The following MIB2 variants were observed in gnomAD, a reference collection of about 807,000 sequenced individuals.
MIB2 encodes E3 ubiquitin-protein ligase MIB2.
In MIB2, 78 loss-of-function variants were observed where a neutral mutation model predicts 96.6. The ratio of observed to expected loss-of-function variants is 0.81; its 90% CI spans 0.67 to 0.97. The LOEUF is 0.97. Among genes scored for constraint, MIB2 ranks in the 50% least tolerant of loss-of-function variants. The pLI is 0.00. For synonymous variants in MIB2, 820 were observed against 629.5 expected (o/e 1.30, Z -4.53); for missense variants, 1,543 against 1,424.0 (o/e 1.08, Z -1.35).
upstream of MIB2, chr1:1,615,239 T>G (rs952104030): frequency 4.5e-5 from 41 of 901,380 alleles, no homozygotes; most frequent in Non-Finnish European, 5.5e-5. Flanking sequence ...AAGAGGTGGC[T>G]GCGGCGCGGC....
At chr1:1,629,750 G>A (rs1275814081) in intron 19 of MIB2, 46 bp downstream of exon 19, 1 of 1,521,566 alleles carries the variant, frequency 6.6e-7, no homozygotes, top group Non-Finnish European at 8.8e-7. Context: ...CTCAGCTGGT[G>A]GCCCGCGGGT....
Position 1,630,358 on chromosome 1 carries a change from A to G in MIB2, c.2696A>G (p.Gln899Arg). 6.9e-7 allele frequency: 1 copy of G among 1,438,956 alleles called. No homozygotes were observed. Among genetic ancestry groups the G allele is most frequent in the Middle Eastern group, 1.9e-4 (1 of 5,404 alleles). The allele number at this position is 1,438,956 out of a possible 1,614,324, so 89.1% of individuals were successfully genotyped here. ...GPPRQLVEEL[Q>R]SRYRQMEERI... ...CCGCGCCAGCTGGTGGAGGAGCTGC[A>G]GAGCCGCTACCGGCAGATGGAGGAA... The change falls in exon 20 of 20, where the codon CAG becomes CGG. Residue 899 changes from glutamine (Q) to arginine (R), a missense_variant. Transcript: ENST00000355826.
chr1:1,623,709 A>G lies in MIB2; in HGVS notation c.247+10A>G. On this transcript the variant is annotated intron_variant, in intron 3 of 19. Transcript: ENST00000355826. ...GACAACGCCCAGATCGGTGCGCGCC[A>G]AGGGCAGGCGGGACGGGCAGGACCC... The G allele has an allele frequency of 1.3e-6, 2 of 1,531,932 alleles. No individual in the cohort carries two copies. The allele number at this position is 1,531,932 out of a possible 1,614,324, so 94.9% of individuals were successfully genotyped here. A position where few individuals can be genotyped will look rare whatever the true frequency, so the allele number is the denominator to read the frequency against.
At chr1:1,622,787 C>G (rs1319906975) in intron 2 of MIB2, among the ~76,000 whole-genome samples, 2 of 152,258 alleles carry the variant, frequency 1.3e-5, no homozygotes, top group Non-Finnish European at 2.9e-5. Context: ...CCTCGCTGCA[C>G]TGTCCCTGAC....
At position 1,629,248 on chromosome 1, in the gene MIB2, C is replaced by T. The variant is rs1645126110; in HGVS notation, c.2318C>T (p.Pro773Leu). ...VSYTNHRGRS[P>L]LDLAAEGRVL... Reference sequence around the variant, plus strand: ...TACACCAACCACCGCGGTCGGAGCCCGCTGGACCTGGCCGCCGAGGGTCGC... The same window carrying T: ...TACACCAACCACCGCGGTCGGAGCCTGCTGGACCTGGCCGCCGAGGGTCGC... Residue 773 changes from proline (P) to leucine (L), a missense_variant, in exon 17 of 20, where the codon CCG (proline) becomes CTG (leucine). Coordinates refer to ENST00000355826, the MANE Select transcript of MIB2 (RefSeq NM_001170687.4). 3 of 1,545,448 alleles carry T rather than the reference C, an allele frequency of 1.9e-6. No individual in the cohort carries two copies. Among genetic ancestry groups the T allele is most frequent in the Non-Finnish European group, 2.6e-6 (3 of 1,156,938 alleles).
At chr1:1,618,157 T>G (rs1387256031) in intron 2 of MIB2, 1 of 152,610 alleles carries the variant, frequency 6.6e-6, no homozygotes, top group East Asian at 1.9e-4. Flanking sequence ...CTTGGCCAGG[T>G]TGGTGTGAGG....
At chr1:1,621,901 C>T (rs1644292741) in intron 2 of MIB2, among the ~76,000 whole-genome samples, 1 of 152,260 alleles carries the variant, frequency 6.6e-6, no homozygotes, top group Admixed American at 6.5e-5. Context: ...GCTCGGGGGA[C>T]AACCTGTGGG....
intron 1 of MIB2, 118 bp downstream of exon 1, chr1:1,615,751 G>A: frequency 6.9e-7 from 1 of 1,455,366 alleles, no homozygotes. Flanking sequence ...GCAGCCCCGG[G>A]CTGGACTCGG....
chr1:1,623,339 C>T lies in MIB2; in HGVS notation c.-22-92C>T, dbSNP rs751452509. 7 of 1,525,162 alleles carry T rather than the reference C, an allele frequency of 4.6e-6. No individual in the cohort carries two copies. The African/African-American group carries it at 5.7e-5, about 12-fold the overall frequency. 94.5% of individuals were successfully genotyped at this position (1,525,162 alleles called of 1,614,324 possible). On this transcript the variant is annotated intron_variant, in intron 2 of 19. Transcript: ENST00000355826. ...CCTCTCTGCTCTCCCGCGGAGCCCA[C>T]TCTGACCGGGAGTGTCCCATGGTGG...
Position 1,625,488 on chromosome 1 carries a change from G to A in MIB2, c.865-58G>A. ...GCCCTCCCAGCCCTCCGCCCCCTCAGCCCCTTCCTCCCCAAGCGTCCAGCC... is the reference window on the plus strand; with the variant it reads ...GCCCTCCCAGCCCTCCGCCCCCTCAACCCCTTCCTCCCCAAGCGTCCAGCC... On this transcript the variant is annotated intron_variant, in intron 7 of 19. Coordinates refer to ENST00000355826, the MANE Select transcript of MIB2 (RefSeq NM_001170687.4). This position sits in a 1 kb window ranked among gnomAD's most constrained non-coding sequence, Gnocchi z 5.0. The A allele has an allele frequency of 7.4e-7, 1 of 1,356,998 alleles. No homozygotes were observed. Among genetic ancestry groups the A allele is most frequent in the Non-Finnish European group, 1.0e-6 (1 of 998,786 alleles). The allele number at this position is 1,356,998 out of a possible 1,614,324, so 84.1% of individuals were successfully genotyped here. A position where few individuals can be genotyped will look rare whatever the true frequency, so the allele number is the denominator to read the frequency against.
At chr1:1,621,686 G>A (rs1281049618) in intron 2 of MIB2, among the ~76,000 whole-genome samples, 5 of 152,228 alleles carry the variant, frequency 3.3e-5, no homozygotes, top group African/African-American at 7.2e-5. Context: ...GGAAGCTCTC[G>A]CGGTCCTGGG....
In MIB2 at chr1:1,627,386, G is replaced by A. The variant is rs1453053281; in HGVS notation, c.1465G>A (p.Ala489Thr). Residue 489 changes from alanine to threonine, a missense_variant, in exon 12 of 20, where the codon GCG becomes ACG. By Grantham distance (58) the Ala-to-Thr change is moderately conservative. Coordinates refer to ENST00000355826, the MANE Select transcript of MIB2 (RefSeq NM_001170687.4). ...GATACGGCTGCTGCTACAAGCCAGGGCGGGCGTGGACCTGCCGGACGACGA... is the reference window on the plus strand; with the variant it reads ...GATACGGCTGCTGCTACAAGCCAGGACGGGCGTGGACCTGCCGGACGACGA... The part of the protein sequence containing the change: ...ELIRLLLQAR[A>T]GVDLPDDEGN... 1 of 1,613,056 alleles carries A rather than the reference G, an allele frequency of 6.2e-7. No homozygotes were observed. The highest frequency in any genetic ancestry group is 1.6e-4 in the Middle Eastern group (1 of 6,062).
Position 1,615,624 on chromosome 1 carries a change from T to C in MIB2, c.-139T>C. The C allele has an allele frequency of 6.4e-7, 1 of 1,573,178 alleles. No individual in the cohort carries two copies. The highest frequency in any genetic ancestry group is 8.6e-7 in the Non-Finnish European group (1 of 1,163,692). On this transcript the variant is annotated 5_prime_UTR_variant, in exon 1 of 20. Transcript: ENST00000355826. ...CACTGGCGCGATGCGGGCCGTCCTC[T>C]CGGCTGATGGTGCGTGCGGGCGCGG...
chr1:1,623,763 C>T lies in MIB2; in HGVS notation c.248-11C>T, dbSNP rs1310392706. ...GGCGGGAACGCCCCTCTGACCCCAC[C>T]CCACCCCCAGGCGTCCGGCACCCCA... On this transcript the variant is annotated splice_polypyrimidine_tract_variant and intron_variant, in intron 3 of 19. Transcript: ENST00000355826. 10 of 1,583,320 alleles carry T rather than the reference C, an allele frequency of 6.3e-6. No individual in the cohort carries two copies. Among genetic ancestry groups the T allele is most frequent in the Non-Finnish European group, 8.6e-6 (10 of 1,166,092 alleles).
In MIB2 at chr1:1,628,384, G is replaced by C; in HGVS notation, c.1953G>C (p.Gln651His). ...TCAACAACCACCGCGAGGTGGCCCA[G>C]ATCCTCATCCGGGAGGTGCGGACGC... ...AALNNHREVA[Q>H]ILIREGRCDV... is the part of the protein sequence containing the mutation. The change falls in exon 15 of 20, where the codon CAG becomes CAC. Residue 651 changes from glutamine to histidine, a missense_variant. By Grantham distance (24) the Gln-to-His change is conservative (BLOSUM62 0). Coordinates refer to ENST00000355826, the MANE Select transcript of MIB2 (RefSeq NM_001170687.4). 1 of 1,612,418 alleles carries C rather than the reference G, an allele frequency of 6.2e-7. No individual in the cohort carries two copies. Among genetic ancestry groups the C allele is most frequent in the Non-Finnish European group, 8.5e-7 (1 of 1,179,846 alleles).
At position 1,629,394 on chromosome 1, in the gene MIB2, G is replaced by C. The variant is rs751123770; in HGVS notation, c.2391G>C (p.Gln797His). 4 of 1,439,478 alleles carry C rather than the reference G, an allele frequency of 2.8e-6. No individual in the cohort carries two copies. The African/African-American group carries it at 6.0e-5, about 22-fold the overall frequency. The allele number at this position is 1,439,478 out of a possible 1,614,324, so 89.2% of individuals were successfully genotyped here. Reference protein sequence around the residue: ...QGCAQRFRERQAGGGAAPGPR... With the variant: ...QGCAQRFRERHAGGGAAPGPR... ...CCTCCTCCCCCTGCAGGGAGCGGCA[G>C]GCGGGCGGGGGCGCGGCCCCGGGCC... Residue 797 changes from glutamine to histidine, a missense_variant, in exon 18 of 20, where the codon CAG (glutamine) becomes CAC (histidine). By Grantham distance (24) the Gln-to-His change is conservative. Transcript: ENST00000355826.
intron 10 of MIB2, 22 bp from the exon 11 acceptor site, chr1:1,627,052 C>T (rs776859586): frequency 6.2e-7 from 1 of 1,602,224 alleles, no homozygotes; most frequent in Admixed American, 1.7e-5. Flanking sequence ...CTGGCCACCA[C>T]TAACCTCAGC....
Position 1,629,436 on chromosome 1 carries a change from G to C in MIB2, c.2433G>C (p.Gly811=). The C allele has an allele frequency of 6.6e-7, 1 of 1,510,430 alleles. No individual in the cohort carries two copies. The highest frequency in any genetic ancestry group is 1.2e-5 in the South Asian group (1 of 81,178). The allele number at this position is 1,510,430 out of a possible 1,614,324, so 93.6% of individuals were successfully genotyped here. A position where few individuals can be genotyped will look rare whatever the true frequency, so the allele number is the denominator to read the frequency against. Residue 811 remains glycine, a synonymous_variant, in exon 18 of 20, where the codon GGG becomes GGC. Transcript: ENST00000355826. ...GAAPGPRQTL[G]TPNTVTNLHV... is the part of the protein sequence containing the mutation. ...CCCCGGGCCCCAGGCAAACGCTCGGGACCCCCAACACCGTGACGAACCTGC... is the reference window on the plus strand; with the variant it reads ...CCCCGGGCCCCAGGCAAACGCTCGGCACCCCCAACACCGTGACGAACCTGC...
At position 1,628,104 on chromosome 1, in the gene MIB2, C is replaced by G; in HGVS notation, c.1766C>G (p.Pro589Arg). Reference protein sequence around the residue: ...SGIVEVLTEVPNIDVTATNSQ... With the variant: ...SGIVEVLTEVRNIDVTATNSQ... ...ATTGTCGAGGTCCTCACGGAGGTGC[C>G]AAACATCGATGTTACCGCCACCAAC... is the stretch of plus-strand genomic sequence containing the variant. Residue 589 changes from proline to arginine, a missense_variant, in exon 14 of 20, where the codon CCA becomes CGA. Transcript: ENST00000355826. 6.2e-7 allele frequency: 1 copy of G among 1,613,340 alleles called. No homozygotes were observed. The highest frequency in any genetic ancestry group is 8.5e-7 in the Non-Finnish European group (1 of 1,179,996).
Sources: gnomAD v4.1 joint callset for allele counts (sites outside exome capture counted in the v4.1 genomes callset) on GRCh38, gnomAD v4.1.1 for gene constraint, Gnocchi (gnomAD v3.1) non-coding constraint, MANE v1.5 for transcripts, NCBI Gene and HGNC (gene_info 2026-07-23, HGNC 2026-07-21) for gene names.